Variants in APOOL observed in about 807,000 individuals in gnomAD.
APOOL encodes the protein MICOS complex subunit MIC27.
A neutral mutation model predicts 23.1 loss-of-function variants in APOOL; 12 were observed. That is an observed-to-expected ratio of 0.52 (90% CI 0.33 to 0.84). The LOEUF is 0.84. APOOL is among the 40% of genes least tolerant of loss of function. The pLI is 0.02. For missense variants in APOOL, 212 were observed against 199.6 expected (o/e 1.06, Z -0.37); for synonymous variants, 77 against 69.9 (o/e 1.10, Z -0.51).
chrX:85,049,026 A>G (rs1922671294), intron 2 of APOOL, among the ~76,000 whole-genome samples: 1 of 111,158 alleles, frequency 9.0e-6, no homozygotes, highest in Admixed American at 9.6e-5. Flanking sequence ...AAATCCCTCT[A>G]TGAGATGAAT....
intron 1 of APOOL, among the ~76,000 whole-genome samples, chrX:85,012,351 G>T (rs1189028633): frequency 9.0e-6 from 1 of 111,280 alleles, no homozygotes; most frequent in African/African-American, 3.3e-5. Flanking sequence ...TCTCTTGTCT[G>T]ATTTCTTTGG....
At chrX:85,008,066 G>T (rs940766790) in intron 1 of APOOL, among the ~76,000 whole-genome samples, 1 of 111,437 alleles carries the variant, frequency 9.0e-6, no homozygotes, top group Non-Finnish European at 1.9e-5. Context: ...GATGTCCCCA[G>T]GGAATAGGTA....
chrX:85,032,221 A>G (rs1922060411), intron 1 of APOOL, among the ~76,000 whole-genome samples: 1 of 112,602 alleles, frequency 8.9e-6, no homozygotes, highest in African/African-American at 3.2e-5. Context: ...GATTTTTAAG[A>G]TGTTTAGTTG....
chrX:85,003,904 G>A lies in APOOL; in HGVS notation c.-9G>A, dbSNP rs749001198. ...CCGTCTGAAAACCTTGGCCGAAAGG[G>A]TTGTAGACATGGCGGCCATCAGGGT... On this transcript the variant is annotated 5_prime_UTR_variant, in exon 1 of 9. Transcript: ENST00000373173. 9.9e-6 allele frequency: 12 copies of A among 1,210,012 alleles called. No individual in the cohort carries two copies. The African/African-American group carries it at 1.2e-4, about 12-fold the overall frequency.
chrX:85,023,769 CAG>C (rs1230430796), intron 1 of APOOL, among the ~76,000 whole-genome samples: 1 of 112,272 alleles, frequency 8.9e-6, no homozygotes, highest in Non-Finnish European at 1.9e-5. Context: ...GCTTTCAAGA[CAG>C]AAATATAAGA....
chrX:85,082,713 G>A (rs144912496), intron 8 of APOOL, among the ~76,000 whole-genome samples: 147 of 112,022 alleles, frequency 1.3e-3, no homozygotes, highest in African/African-American at 4.4e-3. Flanking sequence ...TACAATGGCA[G>A]AGTCGAGCAC....
rs186108489 is a variant in APOOL, at chrX:85,050,698, A to G, written c.121-691A>G. Among the ~76,000 whole-genome samples, 135 of 110,253 alleles carry G rather than the reference A, an allele frequency of 1.2e-3. 1 individual carries two copies. The highest frequency in any genetic ancestry group is 4.2e-3 in the African/African-American group (128 of 30,390). On this transcript the variant is annotated intron_variant, in intron 2 of 8. Coordinates refer to ENST00000373173, the MANE Select transcript of APOOL (RefSeq NM_198450.6). ...TTTTGTGTATGTTTGTTTTTATTAA[A>G]TACTAATTAGAATCAAAAGGCTGTT...
chrX:85,060,909 A>G (rs1048001908), intron 5 of APOOL, among the ~76,000 whole-genome samples: 3 of 111,327 alleles, frequency 2.7e-5, no homozygotes, highest in Non-Finnish European at 3.8e-5. Flanking sequence ...CGGAACTTCC[A>G]ACACTGTGTT....
At chrX:85,062,328 C>G (rs1923261839) in intron 5 of APOOL, among the ~76,000 whole-genome samples, 1 of 111,385 alleles carries the variant, frequency 9.0e-6, no homozygotes, top group South Asian at 3.7e-4. Flanking sequence ...TGTCTGTTCA[C>G]TCTGATGATG....
intron 1 of APOOL, among the ~76,000 whole-genome samples, chrX:85,005,007 C>T (rs1437563059): frequency 9.0e-6 from 1 of 110,912 alleles, no homozygotes; most frequent in African/African-American, 3.3e-5. Context: ...CCTAAAGTGC[C>T]TTTTCCCATG....
At chrX:85,068,210 G>A (rs1376973320) in intron 6 of APOOL, among the ~76,000 whole-genome samples, 1 of 110,715 alleles carries the variant, frequency 9.0e-6, no homozygotes, top group Non-Finnish European at 1.9e-5. Flanking sequence ...TAAAATGCTA[G>A]TATTGAAAGA....
chrX:85,040,911 C>T (rs1011044715), intron 1 of APOOL, among the ~76,000 whole-genome samples: 1 of 111,767 alleles, frequency 8.9e-6, no homozygotes, highest in African/African-American at 3.3e-5. Context: ...TGGTTGAGTA[C>T]CATTGCTGTG....
chrX:85,074,043 G>T lies in APOOL; in HGVS notation c.532G>T (p.Ala178Ser), dbSNP rs753797569. The T allele has an allele frequency of 6.0e-6, 7 of 1,167,849 alleles. No individual in the cohort carries two copies. The highest frequency in any genetic ancestry group is 1.8e-5 in the African/African-American group (1 of 55,669). ...VYATSQQIFG[A>S]VKSLWTKSSK... ...TGCTACAAGCCAGCAAATTTTTGGA[G>T]CAGTTAAATCATTGTGGACAAAAAG... Residue 178 changes from alanine (A) to serine (S), a missense_variant, in exon 7 of 9, where the codon GCA (alanine) becomes TCA (serine). By Grantham distance (99) the Ala-to-Ser change is moderately conservative (BLOSUM62 1). Coordinates refer to ENST00000373173, the MANE Select transcript of APOOL (RefSeq NM_198450.6).
At chrX:85,024,559 C>T (rs771926408) in intron 1 of APOOL, among the ~76,000 whole-genome samples, 3 of 112,427 alleles carry the variant, frequency 2.7e-5, no homozygotes, top group Admixed American at 9.4e-5. Flanking sequence ...CCAGTTTTCA[C>T]GCTTGATCCA....
chrX:85,057,747 T>C (rs1041840871), intron 5 of APOOL, among the ~76,000 whole-genome samples: 4 of 109,191 alleles, frequency 3.7e-5, no homozygotes, highest in Admixed American at 1.0e-4. Context: ...CTATTTCTTA[T>C]TATAGTAGGT....
At chrX:85,054,975 C>T (rs1922910016) in intron 4 of APOOL, among the ~76,000 whole-genome samples, 1 of 111,658 alleles carries the variant, frequency 9.0e-6, no homozygotes, top group African/African-American at 3.2e-5. Flanking sequence ...ATACTTGACT[C>T]TTTAGCTTGT....
At position 85,046,513 on chromosome X, in the gene APOOL, A is replaced by T. The variant is rs779241268; in HGVS notation, c.83A>T (p.Gln28Leu). The T allele has an allele frequency of 1.7e-6, 2 of 1,208,103 alleles. No individual in the cohort carries two copies. The highest frequency in any genetic ancestry group is 5.9e-5 in the East Asian group (2 of 33,674). ...TCTGTAAGTGTACATGCAGCCAAAC[A>T]AGAGGAATCCAAAAAGCAGCTAGTG... ...YASVSVHAAK[Q>L]EESKKQLVKP... The change falls in exon 2 of 9, where the codon CAA becomes CTA. Residue 28 changes from glutamine (Q) to leucine (L), a missense_variant. Transcript: ENST00000373173.
chrX:85,056,310 G>C (rs1922961233), intron 5 of APOOL, among the ~76,000 whole-genome samples: 1 of 111,283 alleles, frequency 9.0e-6, no homozygotes, highest in Non-Finnish European at 1.9e-5. Flanking sequence ...AGTAGTTTGA[G>C]TGATTAGTAT....
chrX:85,021,947 G>C lies in APOOL; in HGVS notation c.15+18020G>C, dbSNP rs188436918. Reference sequence around the variant, plus strand: ...ACCACAGAAATACTAAAATTCGTGAGACTACTGTGAACAATTATATGCCAA... The same window carrying C: ...ACCACAGAAATACTAAAATTCGTGACACTACTGTGAACAATTATATGCCAA... On this transcript the variant is annotated intron_variant, in intron 1 of 8. Transcript: ENST00000373173. 2.3e-3 allele frequency among the ~76,000 whole-genome samples: 261 copies of C among 111,910 alleles called. 1 individual carries two copies. The highest frequency in any genetic ancestry group is 3.6e-3 in the Non-Finnish European group (192 of 53,198).
Sources: allele counts gnomAD v4.1 joint callset (sites outside exome capture counted in the v4.1 genomes callset), GRCh38; gene constraint gnomAD v4.1.1; transcripts MANE v1.5; gene names NCBI Gene and HGNC (gene_info 2026-07-23, HGNC 2026-07-21).